The following NEK5 variants were observed in gnomAD, a reference collection of about 807,000 sequenced individuals.
NEK5 encodes the protein serine/threonine-protein kinase Nek5.
A neutral mutation model predicts 109.2 loss-of-function variants in NEK5; 88 were observed. The observed-to-expected ratio is 0.81, with a 90% CI of 0.68 to 0.96. NEK5 has a LOEUF of 0.96. Among genes scored for constraint, NEK5 ranks in the 40% least tolerant of loss-of-function variants. The pLI, the probability that NEK5 is intolerant of heterozygous loss-of-function variation, is 0.00. For synonymous variants in NEK5, 283 were observed against 299.9 expected (o/e 0.94, Z 0.58); for missense variants, 834 against 920.7 (o/e 0.91, Z 1.22).
intron 16 of NEK5, among the ~76,000 whole-genome samples, chr13:52,083,727 A>G (rs9568708): frequency 0.42 from 63,272 of 151,960 alleles, 15,059 homozygotes; most frequent in Non-Finnish European, 0.54. Context: ...TAGTAGAGAC[A>G]GGGTTTCACT....
chr13:52,076,365 T>TCACTCCAGTC (rs1275656352), intron 17 of NEK5, among the ~76,000 whole-genome samples: 1 of 152,186 alleles, frequency 6.6e-6, no homozygotes, highest in Admixed American at 6.5e-5. Context: ...ACAATACTTA[T>TCACTCCAGTC]CACTCCAGTC....
chr13:52,038,824 T>TAA (rs780917143), intron 23 of NEK5, among the ~76,000 whole-genome samples: 2 of 37,988 alleles, frequency 5.3e-5, no homozygotes, highest in African/African-American at 1.1e-4. Flanking sequence ...GACACTCATC[T>TAA]GAAAAAAAAA....
chr13:52,039,016 G>A (rs892411340), intron 23 of NEK5, among the ~76,000 whole-genome samples: 1 of 152,092 alleles, frequency 6.6e-6, no homozygotes, highest in African/African-American at 2.4e-5. Context: ...ACAGGAGACA[G>A]GTGGAATAAC....
At chr13:52,040,491 C>T (rs1221933659) in intron 23 of NEK5, among the ~76,000 whole-genome samples, 2 of 152,146 alleles carry the variant, frequency 1.3e-5, no homozygotes, top group African/African-American at 4.8e-5. Context: ...GTAGCCCAAA[C>T]AGGCTAAGAG....
chr13:52,048,498 T>G (rs1174967857), intron 23 of NEK5, among the ~76,000 whole-genome samples: 1 of 151,886 alleles, frequency 6.6e-6, no homozygotes, highest in Non-Finnish European at 1.5e-5. Flanking sequence ...ATAAACAAAA[T>G]TATAAAAATA....
chr13:52,083,541 A>AT lies in NEK5; in HGVS notation c.1480-190dup, dbSNP rs1389796734. On this transcript the variant is annotated intron_variant, in intron 16 of 23. Coordinates refer to ENST00000684899, the MANE Select transcript of NEK5 (RefSeq NM_001365552.1). ...TCTGTAGAAATGTCTGATATCCACC[A>AT]TTTTTTTTTTTTTGAGATGGAGTCT... is the stretch of plus-strand genomic sequence containing the variant. Among the ~76,000 whole-genome samples the AT allele has an allele frequency of 4.7e-3, 677 of 142,872 alleles. 10 individuals carry two copies. The highest frequency in any genetic ancestry group is 6.0e-3 in the South Asian group (27 of 4,500). 93.7% of individuals were successfully genotyped at this position (142,872 alleles called of 152,430 possible). A position where few individuals can be genotyped will look rare whatever the true frequency, so the allele number is the denominator to read the frequency against.
At chr13:52,112,769 A>C (rs1566818505) in intron 4 of NEK5, among the ~76,000 whole-genome samples, 1 of 152,234 alleles carries the variant, frequency 6.6e-6, no homozygotes, top group Non-Finnish European at 1.5e-5. Context: ...GAATTTGGGC[A>C]TAAAGCCATA....
intron 16 of NEK5, among the ~76,000 whole-genome samples, chr13:52,084,768 T>A (rs1437135447): frequency 0.022 from 1,076 of 49,226 alleles, 3 homozygotes; most frequent in African/African-American, 0.025. Context: ...AGAGAGTGTG[T>A]GTGTGTGTGT....
At chr13:52,063,725 AC>A (rs971058112) in intron 21 of NEK5, among the ~76,000 whole-genome samples, 1 of 115,334 alleles carries the variant, frequency 8.7e-6, no homozygotes, top group African/African-American at 3.1e-5. Context: ...CCCGGCCGCG[AC>A]CCCGTCTGGG....
chr13:52,061,196 C>G (rs980228259), intron 22 of NEK5, among the ~76,000 whole-genome samples: 2 of 151,784 alleles, frequency 1.3e-5, no homozygotes, highest in African/African-American at 4.8e-5. Flanking sequence ...GAGCACACAG[C>G]GTAGATCTCT....
In NEK5 at chr13:52,087,393, C is replaced by T. The variant is rs1566777158; in HGVS notation, c.1337G>A (p.Gly446Glu). Residue 446 changes from glycine to glutamate, a missense_variant, in exon 15 of 24, where the codon GGA (glycine) becomes GAA (glutamate). Coordinates refer to ENST00000684899, the MANE Select transcript of NEK5 (RefSeq NM_001365552.1). Reference sequence around the variant, plus strand: ...CAGCTCCTGGAATCTAGGCTCTTCTCCATTACTTCTTAGCTCTTGTCTCTG... The same window carrying T: ...CAGCTCCTGGAATCTAGGCTCTTCTTCATTACTTCTTAGCTCTTGTCTCTG... ...YNQRQELRSN[G>E]EEPRFQELPF... is the part of the protein sequence containing the mutation. 2 of 1,612,564 alleles carry T rather than the reference C, an allele frequency of 1.2e-6. No individual in the cohort carries two copies. The highest frequency in any genetic ancestry group is 2.2e-5 in the East Asian group (1 of 44,844).
chr13:52,073,860 G>A (rs903512400), intron 19 of NEK5, among the ~76,000 whole-genome samples: 4 of 151,990 alleles, frequency 2.6e-5, no homozygotes, highest in African/African-American at 4.8e-5. Flanking sequence ...AATCAAGAAC[G>A]TAATCCCATT....
rs752680175 is a variant in NEK5 at position 52,099,781 on chromosome 13, C to T, written c.988G>A (p.Glu330Lys). Reference protein sequence around the residue: ...IKRNAILHRNEWRPPAGAQKA... With the variant: ...IKRNAILHRNKWRPPAGAQKA... ...TGGGCTCCAGCTGGTGGTCTCCATT[C>T]ATTTCTATGCAATATAGCATTCCTT... is the stretch of plus-strand genomic sequence containing the variant. The change falls in exon 12 of 24, where the codon GAA becomes AAA. Residue 330 changes from glutamate (E) to lysine (K), a missense_variant. Glu to Lys is a moderately conservative substitution (Grantham distance 56). This residue lies in a region of NEK5 where 777 missense variants were observed against 824.7 expected (regional missense o/e 0.94). Coordinates refer to ENST00000684899, the MANE Select transcript of NEK5 (RefSeq NM_001365552.1). 1 of 1,613,862 alleles carries T rather than the reference C, an allele frequency of 6.2e-7. No homozygotes were observed. Among genetic ancestry groups the T allele is most frequent in the East Asian group, 2.2e-5 (1 of 44,872 alleles).
intron 20 of NEK5, among the ~76,000 whole-genome samples, chr13:52,071,362 T>G (rs1467417541): frequency 6.6e-6 from 1 of 152,186 alleles, no homozygotes; most frequent in Non-Finnish European, 1.5e-5. Flanking sequence ...GCACACCTTA[T>G]CAGCATGTAG....
chr13:52,067,962 G>T (rs1954717564), intron 20 of NEK5, among the ~76,000 whole-genome samples: 1 of 152,102 alleles, frequency 6.6e-6, no homozygotes, highest in African/African-American at 2.4e-5. Flanking sequence ...AAAGTGCTGG[G>T]ATTACAGGCA....
chr13:52,073,979 A>G (rs2137806808), intron 19 of NEK5, among the ~76,000 whole-genome samples: 1 of 152,342 alleles, frequency 6.6e-6, no homozygotes, highest in South Asian at 2.1e-4. Context: ...ATCATACATG[A>G]CATAAACAAA....
chr13:52,107,626 A>T (rs9535864), intron 8 of NEK5, among the ~76,000 whole-genome samples: 63,173 of 151,880 alleles, frequency 0.42, 15,043 homozygotes, highest in Non-Finnish European at 0.54. Flanking sequence ...GTGCCCTTAT[A>T]CAAAGGCTGT....
intron 19 of NEK5, among the ~76,000 whole-genome samples, chr13:52,073,810 T>C (rs559150142): frequency 6.6e-6 from 1 of 152,090 alleles, no homozygotes; most frequent in South Asian, 2.1e-4. Flanking sequence ...CAATAATCAA[T>C]AGGATTCCTA....
At chr13:52,128,957 C>A (rs1049308371) in intron 1 of NEK5, 72 bp downstream of exon 1, 1 of 152,552 alleles carries the variant, frequency 6.6e-6, no homozygotes, top group African/African-American at 2.4e-5. Flanking sequence ...ATCCCTTTCC[C>A]CCACCCTGCC....
Sources: gnomAD v4.1 joint callset for allele counts (sites outside exome capture counted in the v4.1 genomes callset) on GRCh38, gnomAD v4.1.1 for gene constraint, gnomAD v4.1.1 regional missense constraint, MANE v1.5 for transcripts, NCBI Gene and HGNC (gene_info 2026-07-23, HGNC 2026-07-21) for gene names.